DUSP14: variants seen among roughly 807,000 people sequenced by gnomAD.
DUSP14 encodes the protein dual specificity protein phosphatase 14.
In DUSP14, 5 loss-of-function variants were observed where a neutral mutation model predicts 13.2. The observed-to-expected ratio is 0.38, with a 90% CI of 0.20 to 0.80. The LOEUF is 0.80. Ranked by LOEUF, DUSP14 falls within the 30% of genes least tolerant of loss-of-function variation. The pLI is 0.44. For missense variants in DUSP14, 185 were observed against 264.0 expected (o/e 0.70, Z 2.07); for synonymous variants, 91 against 103.4 (o/e 0.88, Z 0.73).
intron 1 of DUSP14, among the ~76,000 whole-genome samples, chr17:37,498,785 A>G (rs1031290614): frequency 6.6e-6 from 1 of 151,770 alleles, no homozygotes; most frequent in African/African-American, 2.4e-5. Context: ...TCTTAATAAT[A>G]TTTTTAGATT....
intron 1 of DUSP14, among the ~76,000 whole-genome samples, chr17:37,505,577 A>T (rs551502707): frequency 1.3e-5 from 2 of 151,858 alleles, no homozygotes; most frequent in Non-Finnish European, 2.9e-5. Context: ...TTGACTGAAC[A>T]TGAAAAGAAA....
rs769394080 is a variant in DUSP14, at chr17:37,512,098, A to G, written c.-92-83A>G. ...TGTATTATTTAAAAAAAAACCCTCT[A>G]ATCTTCCCATTTGACAAATGTGACA... On this transcript the variant is annotated intron_variant, in intron 2 of 2. Transcript: ENST00000617516. The surrounding 1 kb of genome is among the most constrained non-coding windows in gnomAD (Gnocchi z 4.8). The G allele has an allele frequency of 5.1e-6, 3 of 584,066 alleles. No individual in the cohort carries two copies. Among genetic ancestry groups the G allele is most frequent in the Non-Finnish European group, 9.0e-6 (3 of 333,122 alleles). The allele number at this position is 584,066 out of a possible 1,614,324, so 36.2% of individuals were successfully genotyped here. A position where few individuals can be genotyped will look rare whatever the true frequency, so the allele number is the denominator to read the frequency against.
At chr17:37,495,489 G>A (rs1286675279) in intron 1 of DUSP14, among the ~76,000 whole-genome samples, 1 of 151,994 alleles carries the variant, frequency 6.6e-6, no homozygotes, top group Non-Finnish European at 1.5e-5. Context: ...TGTTTGTTTT[G>A]ACTCCTATGT....
At chr17:37,502,370 G>C (rs1458050578) in intron 1 of DUSP14, among the ~76,000 whole-genome samples, 2 of 146,576 alleles carry the variant, frequency 1.4e-5, no homozygotes, top group Non-Finnish European at 3.0e-5. Flanking sequence ...TTTTTGTAGA[G>C]AGAGAGTCTT....
At chr17:37,511,928 C>G (rs1401224496) in intron 2 of DUSP14, among the ~76,000 whole-genome samples, 8 of 50,924 alleles carry the variant, frequency 1.6e-4, no homozygotes, top group Admixed American at 1.2e-3. Context: ...GCCACCCCCC[C>G]CCCACCCCAC....
intron 2 of DUSP14, among the ~76,000 whole-genome samples, chr17:37,511,603 T>TTTTTTTTTTTTTTTTTTG (rs1232617543): frequency 7.0e-6 from 1 of 142,352 alleles, no homozygotes; most frequent in African/African-American, 2.7e-5. Flanking sequence ...TTTTTTTTTT[T>TTTTTTTTTTTTTTTTTTG]AGAAGCTGGG....
At chr17:37,496,282 A>G (rs527800662) in intron 1 of DUSP14, among the ~76,000 whole-genome samples, 1 of 152,334 alleles carries the variant, frequency 6.6e-6, no homozygotes, top group South Asian at 2.1e-4. Context: ...TCTATTAAAA[A>G]TATTTTTTAC....
chr17:37,511,014 A>G (rs2054180409), intron 2 of DUSP14, among the ~76,000 whole-genome samples: 1 of 151,608 alleles, frequency 6.6e-6, no homozygotes. Flanking sequence ...ATCAATATAT[A>G]TGTAAATGTA....
rs147921165 is a variant in DUSP14 at position 37,493,214 on chromosome 17, G to C, written c.-181+3256G>C. On this transcript the variant is annotated intron_variant, in intron 1 of 2. Transcript: ENST00000617516. ...CTGGGCTCAAGGGATCCTCCTGCCTGGGCCTCCCAAAGTGCTGGGATTACA... is the reference window on the plus strand; with the variant it reads ...CTGGGCTCAAGGGATCCTCCTGCCTCGGCCTCCCAAAGTGCTGGGATTACA... Among the ~76,000 whole-genome samples, 1,062 of 152,164 alleles carry C rather than the reference G, an allele frequency of 7.0e-3. 5 individuals are homozygous for C. Among genetic ancestry groups the C allele is most frequent in the African/African-American group, 0.024 (997 of 41,508 alleles).
Position 37,513,027 on chromosome 17 carries a change from G to A in DUSP14, c.*158G>A, listed in dbSNP as rs543219382. ...ATTTATTTTAAGAGATAGGGAGGGA[G>A]GGGACATAAAGGGAATGCATACATT... On this transcript the variant is annotated 3_prime_UTR_variant, in exon 3 of 3. Transcript: ENST00000617516. The A allele has an allele frequency of 3.2e-4, 204 of 646,566 alleles. No individual in the cohort carries two copies. The African/African-American group carries it at 3.4e-3, about 11-fold the overall frequency. The allele number at this position is 646,566 out of a possible 1,614,324, so 40.1% of individuals were successfully genotyped here. A position where few individuals can be genotyped will look rare whatever the true frequency, so the allele number is the denominator to read the frequency against.
rs1568204505 is a variant in DUSP14, at chr17:37,509,158, C to T, written c.-180-1519C>T. On this transcript the variant is annotated intron_variant, in intron 1 of 2. Coordinates refer to ENST00000617516, the MANE Select transcript of DUSP14 (RefSeq NM_007026.4). ...ACACACACACACACACACACACACA[C>T]ACACACACACTCTATATATATATGT... 9.0e-5 allele frequency among the ~76,000 whole-genome samples: 6 copies of T among 66,328 alleles called. 1 individual carries two copies. The highest frequency in any genetic ancestry group is 1.2e-3 in the East Asian group (2 of 1,626). 43.5% of individuals were successfully genotyped at this position (66,328 alleles called of 152,430 possible).
intron 1 of DUSP14, among the ~76,000 whole-genome samples, chr17:37,502,450 C>T (rs900442613): frequency 1.3e-5 from 2 of 151,562 alleles, no homozygotes; most frequent in African/African-American, 4.9e-5. Context: ...TCCTAAAGTG[C>T]TGGAATTACA....
rs2054156468 is a variant in DUSP14 at position 37,509,060 on chromosome 17, A to C, written c.-180-1617A>C. Among the ~76,000 whole-genome samples the C allele has an allele frequency of 5.8e-5, 7 of 120,620 alleles. No individual in the cohort carries two copies. In the Admixed American group the frequency reaches 6.4e-4, roughly 11 times the overall value. 79.1% of individuals were successfully genotyped at this position (120,620 alleles called of 152,430 possible). A position where few individuals can be genotyped will look rare whatever the true frequency, so the allele number is the denominator to read the frequency against. ...ACCCAGCGTCATGGGTGAATGTCTA[A>C]GTTATGCAGAGTGAAAGAAGCCAGA... On this transcript the variant is annotated intron_variant, in intron 1 of 2. Transcript: ENST00000617516.
chr17:37,505,982 A>C (rs953812416), intron 1 of DUSP14, among the ~76,000 whole-genome samples: 4 of 152,138 alleles, frequency 2.6e-5, no homozygotes, highest in Admixed American at 2.0e-4. Context: ...AACAAACCAG[A>C]CTGGGCTCAG....
intron 1 of DUSP14, among the ~76,000 whole-genome samples, chr17:37,505,502 G>GA (rs748988473): frequency 1.3e-5 from 2 of 151,622 alleles, no homozygotes; most frequent in Non-Finnish European, 2.9e-5. Flanking sequence ...TCCTAAAACT[G>GA]AAAGTATTTT....
intron 1 of DUSP14, among the ~76,000 whole-genome samples, chr17:37,506,944 G>C (rs546680435): frequency 4.6e-5 from 7 of 152,174 alleles, no homozygotes; most frequent in Non-Finnish European, 7.4e-5. Flanking sequence ...ACCCCCCCGC[G>C]TGTGTGGCAG....
At chr17:37,509,287 ATATATATATAGTGT>A (rs2054166299) in intron 1 of DUSP14, among the ~76,000 whole-genome samples, 1 of 27,048 alleles carries the variant, frequency 3.7e-5, no homozygotes, top group African/African-American at 1.6e-4. Context: ...ATATATATAT[ATATATATATAGTGT>A]GTGTGTGTGT....
chr17:37,500,971 G>A (rs776232260), intron 1 of DUSP14, among the ~76,000 whole-genome samples: 25 of 151,974 alleles, frequency 1.6e-4, no homozygotes, highest in Non-Finnish European at 2.8e-4. Context: ...GTACATTTTG[G>A]TAGACTTTGA....
chr17:37,505,631 T>C lies in DUSP14; in HGVS notation c.-180-5046T>C, dbSNP rs571579829. ...AGTTAACTGCTGATTCTGGTGGTTG[T>C]CATCTTTTTTTTTTTTTTTTTTTTT... On this transcript the variant is annotated intron_variant, in intron 1 of 2. Coordinates refer to ENST00000617516, the MANE Select transcript of DUSP14 (RefSeq NM_007026.4). 9.9e-5 allele frequency among the ~76,000 whole-genome samples: 14 copies of C among 141,526 alleles called. No homozygotes were observed. In the East Asian group the frequency reaches 2.7e-3, roughly 28 times the overall value. The allele number at this position is 141,526 out of a possible 152,430, so 92.8% of individuals were successfully genotyped here.
Sources: gnomAD v4.1 joint callset for allele counts (sites outside exome capture counted in the v4.1 genomes callset) on GRCh38, gnomAD v4.1.1 for gene constraint, Gnocchi (gnomAD v3.1) non-coding constraint, MANE v1.5 for transcripts, NCBI Gene and HGNC (gene_info 2026-07-23, HGNC 2026-07-21) for gene names.